The following ATAD3A variants were observed in gnomAD, a reference collection of about 807,000 sequenced individuals.
ATAD3A encodes the protein ATPase family AAA domain-containing protein 3A.
A neutral mutation model predicts 73.8 loss-of-function variants in ATAD3A; 46 were observed. That is an observed-to-expected ratio of 0.62 (90% CI 0.49 to 0.80). The LOEUF (loss-of-function observed/expected upper bound fraction) is 0.80, where lower values mean the gene tolerates loss of function less well. Among genes scored for constraint, ATAD3A ranks in the 30% least tolerant of loss-of-function variants. ATAD3A has a pLI of 0.00. For synonymous variants in ATAD3A, 319 were observed against 350.0 expected, an observed-to-expected ratio of 0.91 and a Z score of 0.99; for missense variants, 705 against 838.0, an observed-to-expected ratio of 0.84 and a Z score of 1.96.
Position 1,529,307 on chromosome 1 carries a change from C to G in ATAD3A, c.1590C>G (p.Ile530Met), listed in dbSNP as rs370314852. The G allele has an allele frequency of 8.1e-6, 13 of 1,598,928 alleles. No individual in the cohort carries two copies. Among genetic ancestry groups the G allele is most frequent in the Non-Finnish European group, 1.1e-5 (13 of 1,173,840 alleles). ...RLTEGMSGRE[I>M]AQLAVSWQAT... ...CGGAGGGCATGTCGGGCCGGGAGAT[C>G]GCTCAGCTGGCCGTGTCCTGGCAGG... Residue 530 changes from isoleucine to methionine, a missense_variant, in exon 15 of 16, where the codon ATC becomes ATG. By Grantham distance (10) the Ile-to-Met change is conservative (BLOSUM62 1). Around this residue, in one of 5 missense-constraint regions of ATAD3A, gnomAD observed 252 missense variants for 278.5 expected, o/e 0.90. Coordinates refer to ENST00000378756, the MANE Select transcript of ATAD3A (RefSeq NM_001170535.3).
rs1385931431 is a variant in ATAD3A at position 1,527,855 on chromosome 1, G to A, written c.1498G>A (p.Gly500Arg). 6.2e-7 allele frequency: 1 copy of A among 1,612,682 alleles called. No individual in the cohort carries two copies. The highest frequency in any genetic ancestry group is 8.5e-7 in the Non-Finnish European group (1 of 1,179,328). Residue 500 changes from glycine (G) to arginine (R), a missense_variant, in exon 14 of 16, where the codon GGA becomes AGA. By Grantham distance (125) the Gly-to-Arg change is moderately radical. Around this residue, in one of 5 missense-constraint regions of ATAD3A, gnomAD observed 252 missense variants for 278.5 expected, o/e 0.90. Coordinates refer to ENST00000378756, the MANE Select transcript of ATAD3A (RefSeq NM_001170535.3). ...GTATGTTCTTAAGCCGGCCACAGAAGGAAAGCAGTAAGTGTCCCGCCCCAC... is the reference window on the plus strand; with the variant it reads ...GTATGTTCTTAAGCCGGCCACAGAAAGAAAGCAGTAAGTGTCCCGCCCCAC... Reference protein sequence around the residue: ...DKYVLKPATEGKQRLKLAQFD... With the variant: ...DKYVLKPATERKQRLKLAQFD...
chr1:1,525,910 G>A (rs1339512177), intron 12 of ATAD3A, among the ~76,000 whole-genome samples: 4 of 152,114 alleles, frequency 2.6e-5, no homozygotes, highest in African/African-American at 7.2e-5. Context: ...GTTTCCTCAC[G>A]TTGCCCAGAC....
At chr1:1,516,946 A>C in intron 2 of ATAD3A, 1 of 724,296 alleles carries the variant, frequency 1.4e-6, no homozygotes, top group Non-Finnish European at 2.2e-6. Flanking sequence ...TACTAACCTC[A>C]GTTGATCCAC....
intron 15 of ATAD3A, among the ~76,000 whole-genome samples, chr1:1,531,219 C>T (rs1307210350): frequency 6.6e-6 from 1 of 152,132 alleles, no homozygotes; most frequent in African/African-American, 2.4e-5. Context: ...CTTTGGGAGG[C>T]CAAGGCGGGC....
chr1:1,521,665 G>A (rs1411062929), intron 7 of ATAD3A, among the ~76,000 whole-genome samples: 2 of 152,252 alleles, frequency 1.3e-5, no homozygotes, highest in African/African-American at 4.8e-5. Context: ...CGTGTCACGT[G>A]AGGACATGAC....
intron 15 of ATAD3A, among the ~76,000 whole-genome samples, 168 bp downstream of exon 15, chr1:1,529,499 G>A (rs1260698821): frequency 1.3e-5 from 2 of 152,232 alleles, no homozygotes; most frequent in Non-Finnish European, 2.9e-5. Flanking sequence ...GCCACTCCAC[G>A]AGGCATCGCG....
chr1:1,533,911 C>T lies in ATAD3A; in HGVS notation c.1615-15C>T, dbSNP rs778279275. The T allele has an allele frequency of 2.5e-6, 4 of 1,610,830 alleles. No homozygotes were observed. Among genetic ancestry groups the T allele is most frequent in the Non-Finnish European group, 2.5e-6 (3 of 1,178,650 alleles). ...TCCCATGGCGGCCTCCCTCAGCTGC[C>T]TCTCTCCCCACTAGGCCACGGCGTA... On this transcript the variant is annotated splice_polypyrimidine_tract_variant and intron_variant, in intron 15 of 15. Coordinates refer to ENST00000378756, the MANE Select transcript of ATAD3A (RefSeq NM_001170535.3).
intron 13 of ATAD3A, chr1:1,527,279 G>T: frequency 1.6e-6 from 2 of 1,236,892 alleles, no homozygotes; most frequent in Non-Finnish European, 2.1e-6. Flanking sequence ...GCCCTGACTC[G>T]GGTCCTTCCC....
rs1186787093 is a variant in ATAD3A at position 1,519,165 on chromosome 1, G to C, written c.514+175G>C. Among the ~76,000 whole-genome samples the C allele has an allele frequency of 2.0e-5, 3 of 151,658 alleles. 1 individual carries two copies. The highest frequency in any genetic ancestry group is 4.2e-4 in the South Asian group (2 of 4,802). On this transcript the variant is annotated intron_variant, in intron 5 of 15. Coordinates refer to ENST00000378756, the MANE Select transcript of ATAD3A (RefSeq NM_001170535.3). ...CCTCTCGGAAGACACCTCTGTCTGCGAGTGGACGCCAGGATCTGTTCAGGG... is the reference window on the plus strand; with the variant it reads ...CCTCTCGGAAGACACCTCTGTCTGCCAGTGGACGCCAGGATCTGTTCAGGG...
intron 15 of ATAD3A, among the ~76,000 whole-genome samples, chr1:1,531,392 A>G (rs1642027603): frequency 6.6e-6 from 1 of 151,892 alleles, no homozygotes; most frequent in African/African-American, 2.4e-5. Flanking sequence ...CGGAGGTTGC[A>G]AAGAGCCGAG....
intron 15 of ATAD3A, among the ~76,000 whole-genome samples, chr1:1,533,687 T>G (rs956573341): frequency 2.6e-5 from 4 of 151,890 alleles, no homozygotes; most frequent in African/African-American, 9.7e-5. Flanking sequence ...CTTTCTATTA[T>G]TAGAAAGTCA....
At chr1:1,518,438 CAT>C (rs1570325918) in intron 4 of ATAD3A, among the ~76,000 whole-genome samples, 1 of 145,856 alleles carries the variant, frequency 6.9e-6, no homozygotes, top group Non-Finnish European at 1.5e-5. Flanking sequence ...CACCCACACA[CAT>C]GGGCGCGCGT....
chr1:1,522,578 G>A (rs748452140), intron 7 of ATAD3A, among the ~76,000 whole-genome samples, 166 bp from the exon 8 acceptor site: 10 of 152,360 alleles, frequency 6.6e-5, no homozygotes, highest in African/African-American at 1.9e-4. Context: ...CTGTAACCGC[G>A]TGGCTGTGGG....
At chr1:1,528,998 G>A (rs1304682836) in intron 14 of ATAD3A, among the ~76,000 whole-genome samples, 1 of 152,256 alleles carries the variant, frequency 6.6e-6, no homozygotes, top group South Asian at 2.1e-4. Flanking sequence ...GGCAGGGCTG[G>A]TGTGAGGAGT....
At chr1:1,525,073 G>A (rs574945318) in intron 11 of ATAD3A, among the ~76,000 whole-genome samples, 167 bp from the exon 12 acceptor site, 101 of 152,314 alleles carry the variant, frequency 6.6e-4, no homozygotes, top group African/African-American at 2.3e-3. Context: ...CTGCCCAGAG[G>A]CCAGGCTGAT....
intron 12 of ATAD3A, among the ~76,000 whole-genome samples, chr1:1,526,042 A>G (rs76532275): frequency 6.7e-6 from 1 of 148,238 alleles, no homozygotes; most frequent in South Asian, 2.1e-4. Flanking sequence ...TTTTTTTTTA[A>G]GGCAGAATTT....
chr1:1,522,720 G>C (rs374002768), intron 7 of ATAD3A, 24 bp from the exon 8 acceptor site: 13 of 1,610,742 alleles, frequency 8.1e-6, no homozygotes, highest in Non-Finnish European at 1.1e-5. Flanking sequence ...GGGCCGGTGC[G>C]CCAGTGCGGT....
At chr1:1,524,943 G>T (rs1396374994) in intron 11 of ATAD3A, among the ~76,000 whole-genome samples, 1 of 152,174 alleles carries the variant, frequency 6.6e-6, no homozygotes, top group Non-Finnish European at 1.5e-5. Context: ...CCCTGTCGTG[G>T]ACTCTAAGCG....
intron 2 of ATAD3A, 23 bp from the exon 3 acceptor site, chr1:1,517,288 C>T (rs1214733579): frequency 1.3e-6 from 2 of 1,547,230 alleles, no homozygotes; most frequent in Non-Finnish European, 1.7e-6. Flanking sequence ...CAAGTGCCAG[C>T]TGGTGAGTGC....
Sources: allele counts gnomAD v4.1 joint callset (sites outside exome capture counted in the v4.1 genomes callset), GRCh38; gene constraint gnomAD v4.1.1; regional missense constraint gnomAD v4.1.1; transcripts MANE v1.5; gene names NCBI Gene and HGNC (gene_info 2026-07-23, HGNC 2026-07-21).